PDE11A: variants seen among roughly 807,000 people sequenced by gnomAD.
PDE11A encodes the protein dual 3',5'-cyclic-AMP and -GMP phosphodiesterase 11A.
A neutral mutation model predicts 100.5 loss-of-function variants in PDE11A; 100 were observed. The observed-to-expected ratio is 1.00, with a 90% CI of 0.85 to 1.18. PDE11A has a LOEUF of 1.18. PDE11A is among the 50% of genes most tolerant of loss of function. PDE11A has a pLI of 0.00. For missense variants in PDE11A, 1,141 were observed against 1,152.6 expected, an observed-to-expected ratio of 0.99 and a Z score of 0.15; for synonymous variants, 381 against 420.8, an observed-to-expected ratio of 0.91 and a Z score of 1.16.
At chr2:177,848,650 G>T (rs76435482) in intron 5 of PDE11A, among the ~76,000 whole-genome samples, 1 of 152,040 alleles carries the variant, frequency 6.6e-6, no homozygotes, top group African/African-American at 2.4e-5. Flanking sequence ...AAAGAGAATT[G>T]CCCTATTACA....
intron 18 of PDE11A, among the ~76,000 whole-genome samples, chr2:177,666,832 C>G (rs1258700298): frequency 6.6e-6 from 1 of 151,818 alleles, no homozygotes; most frequent in Non-Finnish European, 1.5e-5. Context: ...AATATTTTCC[C>G]ATAATATGGG....
intron 1 of PDE11A, among the ~76,000 whole-genome samples, chr2:178,063,455 C>CA (rs2086999160): frequency 6.6e-6 from 1 of 152,144 alleles, no homozygotes; most frequent in African/African-American, 2.4e-5. Flanking sequence ...GCACACTGTG[C>CA]AGGGCCGCAT....
chr2:178,087,325 C>T (rs374744236), intron 2 of PDE11A, among the ~76,000 whole-genome samples: 1 of 151,380 alleles, frequency 6.6e-6, no homozygotes, highest in African/African-American at 2.4e-5. Context: ...TACACTCCAC[C>T]CTGGATGACT....
intron 19 of PDE11A, among the ~76,000 whole-genome samples, chr2:177,645,812 A>T (rs1413240958): frequency 6.6e-6 from 1 of 152,266 alleles, no homozygotes; most frequent in East Asian, 1.9e-4. Flanking sequence ...TGTTTGTAGC[A>T]TCAATGTCTA....
chr2:177,652,563 T>G (rs1469483856), intron 19 of PDE11A, among the ~76,000 whole-genome samples: 1 of 152,096 alleles, frequency 6.6e-6, no homozygotes, highest in East Asian at 1.9e-4. Context: ...AGCCATGCAA[T>G]CAGCTGTGCT....
chr2:177,990,467 C>CAGTG (rs143377011), intron 2 of PDE11A, among the ~76,000 whole-genome samples: 2,732 of 152,226 alleles, frequency 0.018, 49 homozygotes, highest in South Asian at 0.044. Flanking sequence ...TAAGGCCAGG[C>CAGTG]AGTGGCTCAC....
intron 2 of PDE11A, among the ~76,000 whole-genome samples, chr2:177,964,770 A>G (rs2085677752): frequency 1.3e-5 from 2 of 151,956 alleles, no homozygotes; most frequent in African/African-American, 2.4e-5. Context: ...CATGTCCATC[A>G]CTGATGGACA....
At chr2:177,887,466 A>G (rs2037758) in intron 4 of PDE11A, among the ~76,000 whole-genome samples, 2 of 152,308 alleles carry the variant, frequency 1.3e-5, no homozygotes, top group African/African-American at 4.8e-5. Context: ...AAAGAAAAAA[A>G]AAAAAGATTT....
chr2:177,759,025 G>C (rs1048367298), intron 10 of PDE11A, among the ~76,000 whole-genome samples: 1 of 152,150 alleles, frequency 6.6e-6, no homozygotes, highest in African/African-American at 2.4e-5. Context: ...GGCACCCAGT[G>C]GCCAAAGTGC....
chr2:177,899,874 T>A (rs2084670674), intron 3 of PDE11A, among the ~76,000 whole-genome samples: 2 of 151,402 alleles, frequency 1.3e-5, no homozygotes, highest in African/African-American at 4.8e-5. Flanking sequence ...CATTTAGATA[T>A]TTATATATCA....
intron 12 of PDE11A, among the ~76,000 whole-genome samples, chr2:177,724,981 T>A (rs1282709099): frequency 6.6e-6 from 1 of 152,042 alleles, no homozygotes; most frequent in Non-Finnish European, 1.5e-5. Context: ...CCCCCCAGAT[T>A]AATAGAGAAT....
chr2:178,107,721 C>CTTTTTTTTTT (rs1159976078), intron 1 of PDE11A, among the ~76,000 whole-genome samples: 12 of 123,062 alleles, frequency 9.8e-5, no homozygotes, highest in Non-Finnish European at 1.2e-4. Flanking sequence ...CTTTTTTTTT[C>CTTTTTTTTTT]TTTTTTTTTT....
chr2:177,898,012 T>C (rs1429550728), intron 4 of PDE11A, 46 bp downstream of exon 4: 1 of 1,462,320 alleles, frequency 6.8e-7, no homozygotes, highest in South Asian at 1.1e-5. Flanking sequence ...CTCAACTTTA[T>C]TCCATTCACA....
intron 5 of PDE11A, among the ~76,000 whole-genome samples, chr2:177,860,405 A>G (rs2083925762): frequency 6.6e-6 from 1 of 151,846 alleles, no homozygotes; most frequent in South Asian, 2.1e-4. Flanking sequence ...CTCAAGGAGA[A>G]TTTTAAAATT....
At chr2:177,913,770 A>C (rs551191636) in intron 2 of PDE11A, among the ~76,000 whole-genome samples, 1 of 152,292 alleles carries the variant, frequency 6.6e-6, no homozygotes, top group Admixed American at 6.5e-5. Context: ...GGGTGGTTGT[A>C]TCTGTTACTA....
intron 17 of PDE11A, among the ~76,000 whole-genome samples, chr2:177,674,557 C>T (rs1204090646): frequency 6.6e-6 from 1 of 152,168 alleles, no homozygotes; most frequent in Non-Finnish European, 1.5e-5. Context: ...ATTTAGGGCA[C>T]ACCTGGATAA....
At chr2:177,875,211 G>A (rs1468000325) in intron 5 of PDE11A, among the ~76,000 whole-genome samples, 6 of 151,900 alleles carry the variant, frequency 3.9e-5, no homozygotes, top group African/African-American at 9.6e-5. Flanking sequence ...GTGACAGAGC[G>A]AGACTCCACG....
rs555651332 is a variant in PDE11A, at chr2:177,960,726, C to T, written c.1071+53576G>A. Among the ~76,000 whole-genome samples the T allele has an allele frequency of 3.9e-5, 6 of 152,280 alleles. No individual in the cohort carries two copies. In the South Asian group the frequency reaches 1.2e-3, roughly 32 times the overall value. On this transcript the variant is annotated intron_variant, in intron 2 of 19. Transcript: ENST00000286063. ...TAACACATTAATCACAACTCTTGTACATGTACAACATAGCTATTTAGAGAA... is the reference window on the plus strand; with the variant it reads ...TAACACATTAATCACAACTCTTGTATATGTACAACATAGCTATTTAGAGAA...
At chr2:177,739,893 G>T (rs2081847910) in intron 10 of PDE11A, among the ~76,000 whole-genome samples, 1 of 152,220 alleles carries the variant, frequency 6.6e-6, no homozygotes, top group South Asian at 2.1e-4. Flanking sequence ...CAGTGAGGAA[G>T]TAATCTATCA....
Sources: allele counts gnomAD v4.1 joint callset (sites outside exome capture counted in the v4.1 genomes callset), GRCh38; gene constraint gnomAD v4.1.1; transcripts MANE v1.5; gene names NCBI Gene and HGNC (gene_info 2026-07-23, HGNC 2026-07-21).